Variants in PCDH15 observed in about 807,000 individuals in gnomAD.
PCDH15 encodes protocadherin related 15, also known as protocadherin-15.
A neutral mutation model predicts 178.5 loss-of-function variants in PCDH15; 129 were observed. That is an observed-to-expected ratio of 0.72 (90% CI 0.63 to 0.84). PCDH15 has a LOEUF of 0.84. PCDH15 is among the 40% of genes least tolerant of loss of function. PCDH15 has a pLI of 0.00. For synonymous variants in PCDH15, 800 were observed against 732.0 expected, an observed-to-expected ratio of 1.09 and a Z score of -1.50; for missense variants, 2,230 against 2,099.9, an observed-to-expected ratio of 1.06 and a Z score of -1.21.
intron 1 of PCDH15, among the ~76,000 whole-genome samples, chr10:54,712,962 G>C (rs566074323): frequency 6.6e-6 from 1 of 152,012 alleles, no homozygotes; most frequent in South Asian, 2.1e-4. Flanking sequence ...GATAGAAAAC[G>C]TTGGCACAGA....
chr10:54,515,444 C>G (rs945037259), intron 3 of PCDH15, among the ~76,000 whole-genome samples: 3 of 152,182 alleles, frequency 2.0e-5, no homozygotes, highest in Non-Finnish European at 4.4e-5. Flanking sequence ...CTGGCCATTG[C>G]CGAGTTAGTT....
intron 3 of PCDH15, among the ~76,000 whole-genome samples, chr10:54,481,128 C>G (rs1476710816): frequency 6.6e-6 from 1 of 151,812 alleles, no homozygotes; most frequent in Non-Finnish European, 1.5e-5. Flanking sequence ...CACCCACTTA[C>G]TCAATACTTG....
intron 2 of PCDH15, among the ~76,000 whole-genome samples, chr10:54,950,248 ATCT>A (rs1838304441): frequency 6.6e-6 from 1 of 152,010 alleles, no homozygotes; most frequent in Non-Finnish European, 1.5e-5. Context: ...GAAGCAAGGC[ATCT>A]TCTTCACAAG....
chr10:55,553,543 C>T (rs1564450863), intron 2 of PCDH15, among the ~76,000 whole-genome samples: 1 of 151,708 alleles, frequency 6.6e-6, no homozygotes, highest in Non-Finnish European at 1.5e-5. Context: ...ACATTCCTTC[C>T]AATTTCTGTC....
At chr10:54,722,292 A>G (rs956124262) in intron 1 of PCDH15, among the ~76,000 whole-genome samples, 2 of 151,616 alleles carry the variant, frequency 1.3e-5, no homozygotes, top group African/African-American at 4.8e-5. Context: ...AACAATCTCC[A>G]TAAGAACTGG....
intron 2 of PCDH15, among the ~76,000 whole-genome samples, chr10:55,605,361 A>T (rs1843191190): frequency 6.6e-6 from 1 of 151,860 alleles, no homozygotes; most frequent in Admixed American, 6.6e-5. Flanking sequence ...ATTCCAATCA[A>T]TAGAAAAAGA....
chr10:54,707,400 T>C (rs940572086), intron 1 of PCDH15, among the ~76,000 whole-genome samples: 5 of 152,192 alleles, frequency 3.3e-5, no homozygotes, highest in African/African-American at 9.6e-5. Flanking sequence ...ATATTTTCCA[T>C]TGGAAGTAAC....
At chr10:53,979,368 A>C (rs2090439167) in intron 21 of PCDH15, among the ~76,000 whole-genome samples, 1 of 152,160 alleles carries the variant, frequency 6.6e-6, no homozygotes, top group Admixed American at 6.6e-5. Context: ...AGGGCATGGA[A>C]GTAACCTCCC....
chr10:55,619,036 AACTGTGTCAAC>A (rs1467692623), intron 2 of PCDH15, among the ~76,000 whole-genome samples: 1 of 152,042 alleles, frequency 6.6e-6, no homozygotes, highest in Non-Finnish European at 1.5e-5. Context: ...ATCGTAAATA[AACTGTGTCAAC>A]ACTGTACTGT....
intron 2 of PCDH15, among the ~76,000 whole-genome samples, chr10:55,360,939 C>T (rs1048924684): frequency 6.6e-6 from 1 of 151,828 alleles, no homozygotes; most frequent in Non-Finnish European, 1.5e-5. Flanking sequence ...AACCCAAATA[C>T]GTATTCAGAA....
intron 3 of PCDH15, among the ~76,000 whole-genome samples, chr10:54,429,476 T>C (rs540714689): frequency 3.3e-5 from 5 of 152,134 alleles, no homozygotes; most frequent in Non-Finnish European, 7.4e-5. Context: ...AAGTCCACAC[T>C]TATCAATGAT....
At chr10:54,795,418 T>C (rs1028180927) in intron 1 of PCDH15, among the ~76,000 whole-genome samples, 1 of 151,880 alleles carries the variant, frequency 6.6e-6, no homozygotes, top group Non-Finnish European at 1.5e-5. Flanking sequence ...TTCTAGTAAT[T>C]CTGCAAATCA....
chr10:54,065,430 T>C (rs1342585960), intron 18 of PCDH15, among the ~76,000 whole-genome samples: 1 of 152,174 alleles, frequency 6.6e-6, no homozygotes, highest in African/African-American at 2.4e-5. Context: ...AAAATATTTA[T>C]ACATGAATAT....
intron 15 of PCDH15, among the ~76,000 whole-genome samples, chr10:54,126,241 T>C (rs2041979959): frequency 6.6e-6 from 1 of 152,116 alleles, no homozygotes. Context: ...CAGGTAATTT[T>C]TGTATTTTTA....
At chr10:55,193,285 A>G (rs1294959718) in intron 1 of PCDH15, among the ~76,000 whole-genome samples, 1 of 152,090 alleles carries the variant, frequency 6.6e-6, no homozygotes, top group East Asian at 1.9e-4. Flanking sequence ...AGCAATTTCA[A>G]TATGAAACTG....
At chr10:54,808,173 C>G (rs1952808296) in intron 3 of PCDH15, among the ~76,000 whole-genome samples, 1 of 152,034 alleles carries the variant, frequency 6.6e-6, no homozygotes, top group African/African-American at 2.4e-5. Flanking sequence ...ACTGGTTTCT[C>G]TTTAACTCAG....
Position 54,317,412 on chromosome 10 carries a change from T to C in PCDH15, c.735A>G (p.Arg245=). ...NDRAQNLNER[R]TTTTTLTVDV... ...CCACTGTGAGAGTGGTGGTGGTGGT[T>C]CGCCTCTCATTCAGATTTTGGGCAC... is the stretch of plus-strand genomic sequence containing the variant. Residue 245 remains arginine, a synonymous_variant, in exon 8 of 38, where the codon CGA becomes CGG. Transcript: ENST00000644397. 1.2e-6 allele frequency: 2 copies of C among 1,613,916 alleles called. No individual in the cohort carries two copies.
At chr10:54,574,135 C>A (rs1019974608) in intron 2 of PCDH15, among the ~76,000 whole-genome samples, 89 of 151,538 alleles carry the variant, frequency 5.9e-4, no homozygotes, top group Middle Eastern at 3.4e-3. Flanking sequence ...CCTAGGTTTT[C>A]TTCTAGGGTT....
At chr10:55,454,108 A>G (rs1394172080) in intron 2 of PCDH15, among the ~76,000 whole-genome samples, 1 of 152,120 alleles carries the variant, frequency 6.6e-6, no homozygotes, top group African/African-American at 2.4e-5. Context: ...TATTATGGAT[A>G]GTTATATTTA....
Sources: gnomAD v4.1 joint callset for allele counts (sites outside exome capture counted in the v4.1 genomes callset) on GRCh38, gnomAD v4.1.1 for gene constraint, MANE v1.5 for transcripts, NCBI Gene and HGNC (gene_info 2026-07-23, HGNC 2026-07-21) for gene names.